The following AOPEP variants were observed in gnomAD, a reference collection of about 807,000 sequenced individuals.
The protein encoded by AOPEP is aminopeptidase O (putative), also known as aminopeptidase O.
AOPEP carries 77 observed loss-of-function variants against 98.1 expected under a neutral mutation model. The ratio of observed to expected loss-of-function variants is 0.78; its 90% confidence interval spans 0.65 to 0.95. The LOEUF is 0.95. Among genes scored for constraint, AOPEP ranks in the 40% least tolerant of loss-of-function variants. The probability of loss-of-function intolerance (pLI) is 0.00; values close to 1 mark genes in which losing one functional copy is unlikely to be tolerated. For missense variants in AOPEP, 1,024 were observed against 1,024.7 expected, an observed-to-expected ratio of 1.00 and a Z score of 0.01; for synonymous variants, 346 against 365.3, an observed-to-expected ratio of 0.95 and a Z score of 0.60.
intron 5 of AOPEP, among the ~76,000 whole-genome samples, chr9:94,854,334 T>C (rs1209626926): frequency 2.0e-5 from 3 of 152,168 alleles, no homozygotes; most frequent in Non-Finnish European, 4.4e-5. Context: ...TCATGAAAGA[T>C]TTTGGAATGT....
chr9:95,129,205 C>G, the AOPEP span, among the ~76,000 whole-genome samples: 2 of 152,150 alleles, frequency 1.3e-5, no homozygotes, highest in Non-Finnish European at 2.9e-5. Flanking sequence ...CTCATCTGCA[C>G]CCCTCACCGA....
the AOPEP span, among the ~76,000 whole-genome samples, chr9:95,118,314 T>C: frequency 6.6e-6 from 1 of 152,256 alleles, no homozygotes; most frequent in African/African-American, 2.4e-5. Flanking sequence ...CCACTGAGCC[T>C]GGCTCAGCAT....
chr9:95,105,383 G>A, the AOPEP span, among the ~76,000 whole-genome samples: 3 of 152,096 alleles, frequency 2.0e-5, no homozygotes, highest in Non-Finnish European at 4.4e-5. Flanking sequence ...AGGTGTTGTT[G>A]GTTTGTGAAA....
At chr9:95,026,569 C>T (rs2063855237) in intron 13 of AOPEP, among the ~76,000 whole-genome samples, 1 of 152,186 alleles carries the variant, frequency 6.6e-6, no homozygotes, top group Non-Finnish European at 1.5e-5. Context: ...TATGGTTACA[C>T]CACATTTTAT....
At chr9:94,735,389 T>A (rs1340848586) in intron 1 of AOPEP, among the ~76,000 whole-genome samples, 1 of 151,936 alleles carries the variant, frequency 6.6e-6, no homozygotes, top group African/African-American at 2.4e-5. Flanking sequence ...CCCGGCTAAT[T>A]TTTTGTATTT....
chr9:94,955,992 C>A lies in AOPEP; in HGVS notation c.1849C>A (p.His617Asn). Residue 617 changes from histidine (H) to asparagine (N), a missense_variant, in exon 9 of 17, where the codon CAT (histidine) becomes AAT (asparagine). His to Asn is a moderately conservative substitution (Grantham distance 68, BLOSUM62 1). Around this residue, in one of 3 missense-constraint regions of AOPEP, gnomAD observed 566 missense variants for 551.7 expected, o/e 1.03. Transcript: ENST00000375315. ...TTTAAGAAAATTTGTGCACACATTT[C>A]ATGGACAGCTGATTCTTTCCCAGGT... ...SFLRKFVHTFHGQLILSQDFL... is the reference protein window; with the variant it reads ...SFLRKFVHTFNGQLILSQDFL... 6.2e-7 allele frequency: 1 copy of A among 1,611,978 alleles called. No individual in the cohort carries two copies. The highest frequency in any genetic ancestry group is 8.5e-7 in the Non-Finnish European group (1 of 1,178,380).
At chr9:94,827,336 A>C (rs921067998) in intron 5 of AOPEP, among the ~76,000 whole-genome samples, 1 of 152,234 alleles carries the variant, frequency 6.6e-6, no homozygotes, top group Non-Finnish European at 1.5e-5. Context: ...CAGATGAGGA[A>C]AGTGAGGCTT....
At chr9:95,047,510 C>T (rs1300288862) in intron 13 of AOPEP, among the ~76,000 whole-genome samples, 1 of 152,164 alleles carries the variant, frequency 6.6e-6, no homozygotes, top group Non-Finnish European at 1.5e-5. Context: ...AAGAGTTTAA[C>T]ATGCAGAACT....
intron 5 of AOPEP, among the ~76,000 whole-genome samples, chr9:94,885,348 C>CAAAAAAAAAAAAAAAAAAAAA (rs71366268): frequency 2.8e-5 from 1 of 35,988 alleles, no homozygotes; most frequent in Non-Finnish European, 5.1e-5. Flanking sequence ...GATCCTGTCT[C>CAAAAAAAAAAAAAAAAAAAAA]AAAAAAAAAA....
intron 5 of AOPEP, among the ~76,000 whole-genome samples, chr9:94,836,519 C>G (rs554613824): frequency 8.5e-5 from 13 of 152,168 alleles, no homozygotes; most frequent in African/African-American, 2.9e-4. Context: ...CATATCTGTT[C>G]AGGTCATTTA....
chr9:94,743,253 G>GGAA lies in AOPEP; in HGVS notation c.-135-16378_-135-16376dup, dbSNP rs139005545. Among the ~76,000 whole-genome samples, 13 of 129,676 alleles carry GGAA rather than the reference G, an allele frequency of 1.0e-4. No individual in the cohort carries two copies. In the South Asian group the frequency reaches 1.2e-3, roughly 12 times the overall value. The allele number at this position is 129,676 out of a possible 152,430, so 85.1% of individuals were successfully genotyped here. A position where few individuals can be genotyped will look rare whatever the true frequency, so the allele number is the denominator to read the frequency against. On this transcript the variant is annotated intron_variant, in intron 1 of 16. Coordinates refer to ENST00000375315, the MANE Select transcript of AOPEP (RefSeq NM_001193329.3). ...AAGAGGAAGAAGAAGAGGAAGAAGA[G>GGAA]GAAGAAGAAGAAGAAGAAGAGATGT... is the stretch of plus-strand genomic sequence containing the variant.
chr9:95,022,629 G>A (rs1169639412), intron 13 of AOPEP, among the ~76,000 whole-genome samples: 10 of 135,816 alleles, frequency 7.4e-5, no homozygotes, highest in African/African-American at 2.3e-4. Flanking sequence ...GTAAGCCACC[G>A]CGTCTGGCCT....
At chr9:94,815,208 G>A (rs1211701718) in intron 5 of AOPEP, among the ~76,000 whole-genome samples, 1 of 152,142 alleles carries the variant, frequency 6.6e-6, no homozygotes, top group Admixed American at 6.5e-5. Flanking sequence ...GTGGCCTCAG[G>A]GGTGGCTAGG....
intron 14 of AOPEP, among the ~76,000 whole-genome samples, chr9:95,077,631 C>T (rs574879189): frequency 6.6e-6 from 1 of 152,336 alleles, no homozygotes; most frequent in Admixed American, 6.5e-5. Flanking sequence ...GGCCCCACCT[C>T]TCTGGCCCGT....
At chr9:94,910,325 A>C (rs2051832583) in intron 5 of AOPEP, among the ~76,000 whole-genome samples, 1 of 152,188 alleles carries the variant, frequency 6.6e-6, no homozygotes, top group African/African-American at 2.4e-5. Context: ...CCAGTGCAGA[A>C]GCATCCAGCA....
At chr9:94,832,291 C>T (rs1222150351) in intron 5 of AOPEP, among the ~76,000 whole-genome samples, 1 of 152,176 alleles carries the variant, frequency 6.6e-6, no homozygotes, top group African/African-American at 2.4e-5. Context: ...AGAGATGCAA[C>T]TGTCTCTTAA....
intron 7 of AOPEP, among the ~76,000 whole-genome samples, chr9:94,954,524 A>G (rs2058325407): frequency 6.6e-6 from 1 of 152,202 alleles, no homozygotes; most frequent in African/African-American, 2.4e-5. Context: ...GTTGGGCTGC[A>G]TTCAAAGTCA....
chr9:94,759,821 C>T lies in AOPEP; in HGVS notation c.38C>T (p.Pro13Leu). ...IQLDPARDDL[P>L]LMANTSHILV... is the part of the protein sequence containing the mutation. ...CTGGACCCTGCCAGAGATGACCTGC[C>T]TCTCATGGCCAACACCAGCCACATA... The change falls in exon 2 of 17, where the codon CCT becomes CTT. Residue 13 changes from proline to leucine, a missense_variant. By Grantham distance (98) the Pro-to-Leu change is moderately conservative. Coordinates refer to ENST00000375315, the MANE Select transcript of AOPEP (RefSeq NM_001193329.3). The T allele has an allele frequency of 1.9e-6, 3 of 1,614,124 alleles. No homozygotes were observed. The highest frequency in any genetic ancestry group is 2.5e-6 in the Non-Finnish European group (3 of 1,180,016).
At chr9:94,763,440 T>C (rs1838834066) in intron 2 of AOPEP, 1 of 185,874 alleles carries the variant, frequency 5.4e-6, no homozygotes, top group Admixed American at 5.9e-5. Context: ...ATATGGATGG[T>C]TGCATATGGA....
Sources: allele counts gnomAD v4.1 joint callset (sites outside exome capture counted in the v4.1 genomes callset), GRCh38; gene constraint gnomAD v4.1.1; regional missense constraint gnomAD v4.1.1; transcripts MANE v1.5; gene names NCBI Gene and HGNC (gene_info 2026-07-23, HGNC 2026-07-21).